SPATA13: variants seen among roughly 807,000 people sequenced by gnomAD.
SPATA13 encodes spermatogenesis associated 13, also known as spermatogenesis-associated protein 13.
In SPATA13, 50 loss-of-function variants were observed where a neutral mutation model predicts 104.0. The ratio of observed to expected loss-of-function variants is 0.48; its 90% CI spans 0.38 to 0.61. The LOEUF is 0.61. Ranked by LOEUF, SPATA13 falls within the 20% of genes least tolerant of loss-of-function variation. SPATA13 has a pLI of 0.00. For synonymous variants in SPATA13, 606 were observed against 667.5 expected (o/e 0.91, Z 1.42); for missense variants, 1,524 against 1,690.6 (o/e 0.90, Z 1.73).
In SPATA13 at chr13:24,166,502, T is replaced by C. The variant is rs189277155; in HGVS notation, c.-112+5570T>C. ...GGAGATGGGCTCCAGCTTGGTGACTTGAGGGACCCTTGAACATCTGTATCA... is the reference window on the plus strand; with the variant it reads ...GGAGATGGGCTCCAGCTTGGTGACTCGAGGGACCCTTGAACATCTGTATCA... On this transcript the variant is annotated intron_variant, in intron 1 of 12. Transcript: ENST00000382108. Among the ~76,000 whole-genome samples the C allele has an allele frequency of 3.2e-3, 492 of 152,212 alleles. 5 individuals are homozygous for C. The highest frequency in any genetic ancestry group is 0.011 in the African/African-American group (455 of 41,516).
At chr13:24,163,879 G>A (rs1220261757) in intron 1 of SPATA13, among the ~76,000 whole-genome samples, 1 of 152,164 alleles carries the variant, frequency 6.6e-6, no homozygotes, top group Non-Finnish European at 1.5e-5. Context: ...GAGCTAAGAG[G>A]CATTGGAAGG....
At chr13:24,209,990 GT>G (rs1472645121) in intron 1 of SPATA13, among the ~76,000 whole-genome samples, 2 of 152,092 alleles carry the variant, frequency 1.3e-5, no homozygotes, top group African/African-American at 4.8e-5. Flanking sequence ...CTCACTGTGA[GT>G]TTGATTTGCA....
intron 2 of SPATA13, among the ~76,000 whole-genome samples, chr13:23,987,451 G>C (rs903058527): frequency 1.3e-5 from 2 of 152,158 alleles, no homozygotes; most frequent in Non-Finnish European, 2.9e-5. Flanking sequence ...TAAATATTAT[G>C]TTCATTACTC....
intron 2 of SPATA13, among the ~76,000 whole-genome samples, chr13:23,991,263 G>T (rs968479016): frequency 1.3e-5 from 2 of 152,198 alleles, no homozygotes; most frequent in Non-Finnish European, 2.9e-5. Flanking sequence ...TAATACATTC[G>T]TGTCCCTCTC....
intron 1 of SPATA13, among the ~76,000 whole-genome samples, chr13:24,199,764 A>G (rs1305558157): frequency 2.0e-5 from 3 of 152,226 alleles, no homozygotes; most frequent in Admixed American, 6.5e-5. Flanking sequence ...CACATTGGCC[A>G]TCCAGGTCAC....
At chr13:24,198,476 C>G (rs1870213193) in intron 1 of SPATA13, among the ~76,000 whole-genome samples, 1 of 152,168 alleles carries the variant, frequency 6.6e-6, no homozygotes, top group Non-Finnish European at 1.5e-5. Context: ...CTCCAAAACC[C>G]TTTGCCATTA....
At chr13:24,101,853 T>A (rs7322682) in intron 3 of SPATA13, among the ~76,000 whole-genome samples, 60,397 of 152,112 alleles carry the variant, frequency 0.4, 12,219 homozygotes, top group Non-Finnish European at 0.41. Context: ...TTGTGTGTGT[T>A]TACCACATGT....
intron 3 of SPATA13, among the ~76,000 whole-genome samples, chr13:24,039,528 G>T (rs923852067): frequency 3.3e-5 from 5 of 152,146 alleles, no homozygotes; most frequent in Non-Finnish European, 7.4e-5. Flanking sequence ...ACTTATTTAG[G>T]TTTCTTTTAT....
At chr13:24,266,584 T>C (rs967219400) in intron 4 of SPATA13, among the ~76,000 whole-genome samples, 3 of 151,644 alleles carry the variant, frequency 2.0e-5, no homozygotes, top group Non-Finnish European at 2.9e-5. Flanking sequence ...ACACACAATC[T>C]TCAGTGTTTA....
At position 24,059,162 on chromosome 13, in the gene SPATA13, G is replaced by A. The variant is rs764560255; in HGVS notation, c.-112+41461G>A. Among the ~76,000 whole-genome samples, 59 of 151,520 alleles carry A rather than the reference G, an allele frequency of 3.9e-4. 3 individuals carry two copies. Among genetic ancestry groups the A allele is most frequent in the Middle Eastern group, 3.4e-3 (1 of 294 alleles). On this transcript the variant is annotated intron_variant, in intron 3 of 14. Coordinates refer to the SPATA13 transcript ENST00000424834. The stretch of plus-strand genomic sequence containing the variant: ...AATTTTTTGTATTTTTAGTAGAGAC[G>A]GGGTTTCACCGTGTTAGCCAGGATG...
At position 24,286,353 on chromosome 13, in the gene SPATA13, G is replaced by A; in HGVS notation, c.2441G>A (p.Ser814Asn). 1 of 1,613,038 alleles carries A rather than the reference G, an allele frequency of 6.2e-7. No homozygotes were observed. The highest frequency in any genetic ancestry group is 8.5e-7 in the Non-Finnish European group (1 of 1,180,022). The change falls in exon 6 of 13, where the codon AGT (serine) becomes AAT (asparagine). Residue 814 changes from serine (S) to asparagine (N), a missense_variant. By Grantham distance (46) the Ser-to-Asn change is conservative. Transcript: ENST00000382108. The surrounding 1 kb of genome is among the most constrained non-coding windows in gnomAD (Gnocchi z 4.9). ...AACAAGGACTGGTGGTGGGGCCGCAGTGAAGATAAGGAAGCCTGGTTCCCC... is the reference window on the plus strand; with the variant it reads ...AACAAGGACTGGTGGTGGGGCCGCAATGAAGATAAGGAAGCCTGGTTCCCC... ...ASNKDWWWGR[S>N]EDKEAWFPAS...
intron 4 of SPATA13, among the ~76,000 whole-genome samples, chr13:24,265,502 C>G (rs1176747996): frequency 6.6e-6 from 1 of 152,206 alleles, no homozygotes; most frequent in Non-Finnish European, 1.5e-5. Context: ...GAAGGACTCT[C>G]CCATCCCAAC....
intron 2 of SPATA13, among the ~76,000 whole-genome samples, chr13:24,228,154 C>G (rs1352421343): frequency 7.1e-6 from 1 of 141,002 alleles, no homozygotes; most frequent in Non-Finnish European, 1.5e-5. Flanking sequence ...AACTGTGTCG[C>G]CTAGGCTGGA....
intron 3 of SPATA13, among the ~76,000 whole-genome samples, chr13:24,027,794 A>T (rs972237339): frequency 2.0e-5 from 3 of 152,198 alleles, no homozygotes; most frequent in African/African-American, 7.2e-5. Context: ...CGAGGAAATT[A>T]GTATATGCAC....
At chr13:24,175,949 A>G (rs951222434) in intron 1 of SPATA13, among the ~76,000 whole-genome samples, 5 of 152,300 alleles carry the variant, frequency 3.3e-5, no homozygotes, top group Middle Eastern at 3.4e-3. Flanking sequence ...TAGTTAAAAT[A>G]CTCTGCAGGA....
chr13:24,037,718 T>G (rs1877754804), intron 3 of SPATA13, among the ~76,000 whole-genome samples: 2 of 150,364 alleles, frequency 1.3e-5, no homozygotes, highest in Non-Finnish European at 1.5e-5. Context: ...GGCTAACACT[T>G]TTAAAGTTTG....
chr13:24,152,525 T>C (rs1882126522), intron 3 of SPATA13, among the ~76,000 whole-genome samples: 1 of 152,216 alleles, frequency 6.6e-6, no homozygotes, highest in Non-Finnish European at 1.5e-5. Flanking sequence ...CCCAGTGAGG[T>C]CTTGCACAGC....
rs1873513294 is a variant in SPATA13 at position 24,251,917 on chromosome 13, TC to T, written c.2164+57del. On this transcript the variant is annotated intron_variant, in intron 4 of 12. Transcript: ENST00000382108. ...GCTGCTATGGGCCCATCTGACCGTT[TC>T]CAGCTAACCTGAGGCAGCAGGTTCT... The T allele has an allele frequency of 5.1e-6, 8 of 1,561,342 alleles. No individual in the cohort carries two copies. In the Admixed American group the frequency reaches 1.5e-4, roughly 29 times the overall value.
At chr13:24,000,023 C>T (rs1426073502) in intron 2 of SPATA13, among the ~76,000 whole-genome samples, 4 of 152,224 alleles carry the variant, frequency 2.6e-5, no homozygotes, top group Non-Finnish European at 5.9e-5. Context: ...AAAAATAGTG[C>T]TTGCCCTCAT....
Sources: gnomAD v4.1 joint callset for allele counts (sites outside exome capture counted in the v4.1 genomes callset) on GRCh38, gnomAD v4.1.1 for gene constraint, Gnocchi (gnomAD v3.1) non-coding constraint, MANE v1.5 for transcripts, NCBI Gene and HGNC (gene_info 2026-07-23, HGNC 2026-07-21) for gene names.